FRMD6: variants seen among roughly 807,000 people sequenced by gnomAD.
The protein encoded by FRMD6 is FERM domain-containing protein 6.
A neutral mutation model predicts 73.2 loss-of-function variants in FRMD6; 37 were observed. The ratio of observed to expected loss-of-function variants is 0.51; its 90% CI spans 0.39 to 0.66. The LOEUF (loss-of-function observed/expected upper bound fraction) is 0.66. Ranked by LOEUF, FRMD6 falls within the 30% of genes least tolerant of loss-of-function variation. FRMD6 has a pLI of 0.00. For missense variants in FRMD6, 714 were observed against 780.5 expected, an observed-to-expected ratio of 0.91 and a Z score of 1.02; for synonymous variants, 273 against 282.2, an observed-to-expected ratio of 0.97 and a Z score of 0.33.
the FRMD6 span, among the ~76,000 whole-genome samples, chr14:51,443,943 GT>G: frequency 6.3e-4 from 89 of 140,732 alleles, no homozygotes; most frequent in African/African-American, 2.2e-3. Context: ...CAAGTTGTGA[GT>G]TTTTTTTTTT....
At chr14:51,419,338 TG>T in the FRMD6 span, among the ~76,000 whole-genome samples, 1 of 152,186 alleles carries the variant, frequency 6.6e-6, no homozygotes, top group Non-Finnish European at 1.5e-5. Flanking sequence ...TTAATAGAGA[TG>T]GGGTTTCACC....
In FRMD6 at chr14:51,691,588, ATTTTTT is replaced by A. The variant is rs758677611; in HGVS notation, c.99+1672_99+1677del. 5.3e-3 allele frequency among the ~76,000 whole-genome samples: 397 copies of A among 75,118 alleles called. 2 individuals carry two copies. Among genetic ancestry groups the A allele is most frequent in the African/African-American group, 0.015 (330 of 22,050 alleles). The allele number at this position is 75,118 out of a possible 152,430, so 49.3% of individuals were successfully genotyped here. On this transcript the variant is annotated intron_variant, in intron 2 of 13. Transcript: ENST00000344768. ...TTTTTATTTATTTATTTTGATTTTGATTTTTTTTTTTTTTTTTTTTTTTTGAGTCAG... is the reference window on the plus strand; with the variant it reads ...TTTTTATTTATTTATTTTGATTTTGATTTTTTTTTTTTTTTTTTGAGTCAG...
chr14:51,681,963 A>G (rs910662663), intron 1 of FRMD6, among the ~76,000 whole-genome samples: 1 of 152,218 alleles, frequency 6.6e-6, no homozygotes, highest in Non-Finnish European at 1.5e-5. Context: ...CAATACAATA[A>G]AAGCATATTC....
At chr14:51,446,613 G>C in the FRMD6 span, among the ~76,000 whole-genome samples, 1 of 152,162 alleles carries the variant, frequency 6.6e-6, no homozygotes, top group African/African-American at 2.4e-5. Flanking sequence ...GTAATTTAGT[G>C]AATGTCCATC....
intron 1 of FRMD6, among the ~76,000 whole-genome samples, chr14:51,528,208 G>C (rs576326648): frequency 6.6e-6 from 1 of 152,266 alleles, no homozygotes; most frequent in East Asian, 1.9e-4. Flanking sequence ...CCCCACTGGT[G>C]GTTAGGAGTT....
At chr14:51,652,663 T>A (rs1373164699) in intron 1 of FRMD6, among the ~76,000 whole-genome samples, 2 of 152,162 alleles carry the variant, frequency 1.3e-5, no homozygotes, top group Non-Finnish European at 2.9e-5. Context: ...GACGGGGGCC[T>A]GGGTGAGATA....
At position 51,489,226 on chromosome 14, in the gene FRMD6, G is replaced by A. The variant is rs1882856997; in HGVS notation, c.-404G>A. ...CCTTTCTCTCCAAACATTCTTCCTT[G>A]AGCACCCCACTCTGGCACTCAAAAA... On this transcript the variant is annotated 5_prime_UTR_variant, in exon 1 of 15. Transcript: ENST00000356218. The A allele has an allele frequency of 2.0e-5, 3 of 152,118 alleles. 1 individual carries two copies. The highest frequency in any genetic ancestry group is 7.2e-5 in the African/African-American group (3 of 41,388). The allele number at this position is 152,118 out of a possible 1,614,324, so 9.4% of individuals were successfully genotyped here.
At chr14:51,451,647 C>T in the FRMD6 span, among the ~76,000 whole-genome samples, 1 of 152,216 alleles carries the variant, frequency 6.6e-6, no homozygotes, top group African/African-American at 2.4e-5. Flanking sequence ...TCCCAAAGTG[C>T]TGGAGTTACA....
intron 1 of FRMD6, among the ~76,000 whole-genome samples, chr14:51,514,009 CA>C (rs1307998110): frequency 3.3e-5 from 5 of 152,138 alleles, no homozygotes; most frequent in African/African-American, 1.2e-4. Flanking sequence ...CTTACTTTGC[CA>C]GGATTAAATC....
chr14:51,608,366 A>G (rs868583256), intron 2 of FRMD6, among the ~76,000 whole-genome samples: 9 of 152,202 alleles, frequency 5.9e-5, no homozygotes, highest in Middle Eastern at 3.2e-3. Context: ...TTGTTTGTAC[A>G]CCTATCCTTA....
chr14:51,695,486 C>T (rs943956911), intron 2 of FRMD6, among the ~76,000 whole-genome samples: 58 of 152,002 alleles, frequency 3.8e-4, no homozygotes, highest in Admixed American at 3.5e-3. Context: ...AATGTGTTCT[C>T]CAGTGGTGGT....
intron 2 of FRMD6, among the ~76,000 whole-genome samples, chr14:51,635,324 G>A (rs1334564838): frequency 6.6e-6 from 1 of 152,204 alleles, no homozygotes; most frequent in African/African-American, 2.4e-5. Flanking sequence ...TGACCTAGGA[G>A]TTTAAGTCTG....
chr14:51,563,580 G>A (rs563686951), intron 1 of FRMD6, among the ~76,000 whole-genome samples: 2 of 152,256 alleles, frequency 1.3e-5, no homozygotes, highest in East Asian at 1.9e-4. Context: ...TGAGGCATGA[G>A]AATCACTTGA....
chr14:51,645,691 C>G (rs1163767325), intron 2 of FRMD6, among the ~76,000 whole-genome samples: 1 of 152,090 alleles, frequency 6.6e-6, no homozygotes, highest in Non-Finnish European at 1.5e-5. Flanking sequence ...CTCAAGCGAT[C>G]CACCTGCCTT....
chr14:51,692,040 G>C, intron 2 of FRMD6, among the ~76,000 whole-genome samples: 1 of 152,098 alleles, frequency 6.6e-6, no homozygotes. Context: ...GCTTTATTCT[G>C]ACAATCAACC....
the FRMD6 span, among the ~76,000 whole-genome samples, chr14:51,456,798 C>A: frequency 6.6e-6 from 1 of 152,146 alleles, no homozygotes; most frequent in East Asian, 1.9e-4. Flanking sequence ...CATATATACA[C>A]AATGGAGTAC....
At chr14:51,470,377 G>T in the FRMD6 span, among the ~76,000 whole-genome samples, 4 of 152,022 alleles carry the variant, frequency 2.6e-5, no homozygotes, top group African/African-American at 9.7e-5. Flanking sequence ...ATTAGCTGGC[G>T]CAGTGGCAGC....
chr14:51,533,426 T>C (rs117512087), intron 1 of FRMD6, among the ~76,000 whole-genome samples: 4 of 152,328 alleles, frequency 2.6e-5, no homozygotes, highest in Non-Finnish European at 4.4e-5. Flanking sequence ...TGGCATAAAT[T>C]ATTTTTCCTG....
At chr14:51,594,304 A>ATTTT (rs1425342881) in intron 2 of FRMD6, among the ~76,000 whole-genome samples, 2 of 80,980 alleles carry the variant, frequency 2.5e-5, no homozygotes, top group Non-Finnish European at 4.7e-5. Flanking sequence ...TTTGTATTTT[A>ATTTT]TTTTTATTTA....
Sources: allele counts gnomAD v4.1 joint callset (sites outside exome capture counted in the v4.1 genomes callset), GRCh38; gene constraint gnomAD v4.1.1; transcripts MANE v1.5; gene names NCBI Gene and HGNC (gene_info 2026-07-23, HGNC 2026-07-21).